The following SAMD4B variants were observed in gnomAD, a reference collection of about 807,000 sequenced individuals.
The protein encoded by SAMD4B is protein Smaug homolog 2.
A neutral mutation model predicts 74.5 loss-of-function variants in SAMD4B; 5 were observed. That is an observed-to-expected ratio of 0.07 (90% confidence interval 0.04 to 0.14). The LOEUF (loss-of-function observed/expected upper bound fraction) is 0.14. SAMD4B is among the 10% of genes least tolerant of loss of function. The pLI is 1.00. For missense variants in SAMD4B, 608 were observed against 921.8 expected, an observed-to-expected ratio of 0.66 and a Z score of 4.41; for synonymous variants, 373 against 374.9, an observed-to-expected ratio of 1.00 and a Z score of 0.06.
At chr19:39,386,066 G>A (rs150662781), downstream of SAMD4B, 586 of 1,613,808 alleles carry the variant, frequency 3.6e-4, 7 homozygotes, top group South Asian at 5.0e-3. This position sits in a 1 kb window ranked among gnomAD's most constrained non-coding sequence, Gnocchi z 6.1. Context: ...CCGAGTGCTC[G>A]CTGCCACTGG....
downstream of SAMD4B, chr19:39,389,674 G>A (rs2078330537): frequency 6.2e-7 from 1 of 1,614,198 alleles, no homozygotes; most frequent in Non-Finnish European, 8.5e-7. The surrounding 1 kb of genome is among the most constrained non-coding windows in gnomAD (Gnocchi z 5.3). Context: ...CAGGATTGAT[G>A]AGATCGATGG....
intron 3 of SAMD4B, among the ~76,000 whole-genome samples, chr19:39,359,537 C>A (rs1187404760): frequency 6.6e-6 from 1 of 152,180 alleles, no homozygotes; most frequent in Non-Finnish European, 1.5e-5. Context: ...GGTTTTTTCA[C>A]TTACCAATAT....
At chr19:39,390,268 C>G (rs1234487213), downstream of SAMD4B, 1 of 1,613,594 alleles carries the variant, frequency 6.2e-7, no homozygotes, top group Non-Finnish European at 8.5e-7. Flanking sequence ...ACCTCTCAGG[C>G]AGAGTCCGGT....
chr19:39,388,559 C>A, downstream of SAMD4B: 3 of 1,613,996 alleles, frequency 1.9e-6, no homozygotes, highest in Non-Finnish European at 2.5e-6. Context: ...AACCCACGCA[C>A]ACATCATCTG....
At position 39,368,627 on chromosome 19, in the gene SAMD4B, C is replaced by T. The variant is rs182242371; in HGVS notation, c.197-1028C>T. 7.2e-5 allele frequency among the ~76,000 whole-genome samples: 11 copies of T among 152,174 alleles called. No homozygotes were observed. In the East Asian group the frequency reaches 2.1e-3, roughly 29 times the overall value. Reference sequence around the variant, plus strand: ...AAACTCCTGGTCAGGAACATGACATCCTGTTGTGATTTAGGAAGATAAATG... The same window carrying T: ...AAACTCCTGGTCAGGAACATGACATTCTGTTGTGATTTAGGAAGATAAATG... On this transcript the variant is annotated intron_variant, in intron 3 of 13. Transcript: ENST00000610417.
At chr19:39,370,240 AACTTT>A in intron 4 of SAMD4B, 115 bp downstream of exon 4, 1 of 1,014,400 alleles carries the variant, frequency 9.9e-7, no homozygotes, top group Non-Finnish European at 1.5e-6. Flanking sequence ...TGTAGGCCTC[AACTTT>A]ATGAGGCAAT....
chr19:39,355,438 G>A (rs931589248), intron 2 of SAMD4B, among the ~76,000 whole-genome samples: 1 of 152,168 alleles, frequency 6.6e-6, no homozygotes, highest in African/African-American at 2.4e-5. Flanking sequence ...CTCAGCAAGC[G>A]CACGGAAGTT....
At chr19:39,344,593 T>C (rs145683891) in intron 1 of SAMD4B, among the ~76,000 whole-genome samples, 1 of 152,304 alleles carries the variant, frequency 6.6e-6, no homozygotes, top group Non-Finnish European at 1.5e-5. Context: ...CCACTAACTT[T>C]AGAATTGCTA....
rs545253627 is a variant in SAMD4B, at chr19:39,343,003, A to C, written c.-267+427A>C. ...CATGGGTCCCAGCAGCTTTCCTCGCAGACCCCCGCCCTTTGGCCCCGAAGC... is the reference window on the plus strand; with the variant it reads ...CATGGGTCCCAGCAGCTTTCCTCGCCGACCCCCGCCCTTTGGCCCCGAAGC... On this transcript the variant is annotated intron_variant, in intron 1 of 13. Coordinates refer to ENST00000610417, the MANE Select transcript of SAMD4B (RefSeq NM_001384574.2). Among the ~76,000 whole-genome samples the C allele has an allele frequency of 9.5e-3, 1,438 of 150,606 alleles. 15 individuals carry two copies. Among genetic ancestry groups the C allele is most frequent in the Non-Finnish European group, 0.015 (1,032 of 67,686 alleles).
intron 3 of SAMD4B, among the ~76,000 whole-genome samples, chr19:39,365,867 A>T (rs1230526428): frequency 6.6e-6 from 1 of 152,194 alleles, no homozygotes; most frequent in East Asian, 1.9e-4. Flanking sequence ...AATGCTGTAG[A>T]CATAGTATGA....
intron 4 of SAMD4B, among the ~76,000 whole-genome samples, chr19:39,371,341 G>A (rs1317822231): frequency 3.9e-5 from 6 of 152,150 alleles, no homozygotes; most frequent in African/African-American, 1.4e-4. Context: ...AGTTAGTGTG[G>A]CTATTCTGGT....
chr19:39,377,431 C>G, intron 7 of SAMD4B, 54 bp from the exon 8 acceptor site: 1 of 1,421,712 alleles, frequency 7.0e-7, no homozygotes, highest in South Asian at 1.4e-5. Context: ...TAGATACTCT[C>G]TGTCCCTCAT....
At chr19:39,387,281 G>A, downstream of SAMD4B, 1 of 337,978 alleles carries the variant, frequency 3.0e-6, no homozygotes, top group Non-Finnish European at 6.1e-6. Flanking sequence ...ACATAGAAAA[G>A]GTATAGTAAA....
chr19:39,373,068 A>G (rs1325951153), intron 4 of SAMD4B, among the ~76,000 whole-genome samples: 1 of 152,188 alleles, frequency 6.6e-6, no homozygotes, highest in Non-Finnish European at 1.5e-5. Flanking sequence ...GGCCTGCACC[A>G]GGCTAGCCCT....
At chr19:39,388,806 C>G, downstream of SAMD4B, 1 of 1,614,192 alleles carries the variant, frequency 6.2e-7, no homozygotes, top group Non-Finnish European at 8.5e-7. Flanking sequence ...CTGCACCACT[C>G]GTGTCCTTGG....
At chr19:39,351,487 A>G (rs972981322) in intron 1 of SAMD4B, 1 of 152,204 alleles carries the variant, frequency 6.6e-6, no homozygotes, top group Admixed American at 6.5e-5. Flanking sequence ...CCAGACCAGT[A>G]GTGCATTCTG....
intron 1 of SAMD4B, chr19:39,350,231 T>A (rs1600516482): frequency 1.3e-5 from 2 of 152,204 alleles, no homozygotes; most frequent in African/African-American, 4.8e-5. Flanking sequence ...TTTAAATACA[T>A]TGTTTCATTT....
intron 3 of SAMD4B, among the ~76,000 whole-genome samples, chr19:39,368,271 A>G (rs372895342): frequency 5.3e-5 from 8 of 152,196 alleles, no homozygotes; most frequent in African/African-American, 1.2e-4. Context: ...AGGTCCTCAC[A>G]CAGTGGGATA....
At chr19:39,343,456 G>A (rs1489987644) in intron 1 of SAMD4B, among the ~76,000 whole-genome samples, 1 of 148,086 alleles carries the variant, frequency 6.8e-6, no homozygotes, top group Admixed American at 6.8e-5. Flanking sequence ...AACTCACCTA[G>A]AAGACTCCAT....
Sources: gnomAD v4.1 joint callset for allele counts (sites outside exome capture counted in the v4.1 genomes callset) on GRCh38, gnomAD v4.1.1 for gene constraint, Gnocchi (gnomAD v3.1) non-coding constraint, MANE v1.5 for transcripts, NCBI Gene and HGNC (gene_info 2026-07-23, HGNC 2026-07-21) for gene names.